The following SP110 variants were observed in gnomAD, a reference collection of about 807,000 sequenced individuals.
SP110 encodes interferon-induced protein 41, 30kD.
Under a neutral mutation model 92.7 loss-of-function variants are expected in SP110, and 62 were observed. The ratio of observed to expected loss-of-function variants is 0.67; its 90% CI spans 0.55 to 0.83. The LOEUF is 0.83. Among genes scored for constraint, SP110 ranks in the 40% least tolerant of loss-of-function variants. The pLI is 0.00. For synonymous variants in SP110, 273 were observed against 305.3 expected, an observed-to-expected ratio of 0.89 and a Z score of 1.10; for missense variants, 793 against 863.9, an observed-to-expected ratio of 0.92 and a Z score of 1.03.
At chr2:230,190,916 T>A (rs1184718134) in intron 10 of SP110, among the ~76,000 whole-genome samples, 1 of 152,212 alleles carries the variant, frequency 6.6e-6, no homozygotes, top group Non-Finnish European at 1.5e-5. Context: ...ATGGTCTATA[T>A]GTCTGTTTTG....
rs115361843 is a variant in SP110 at position 230,186,073 on chromosome 2, G to A, written c.1200C>T (p.Asp400=). 1,167 of 1,613,810 alleles carry A rather than the reference G, an allele frequency of 7.2e-4. 2 individuals are homozygous for A. The highest frequency in any genetic ancestry group is 9.2e-4 in the Non-Finnish European group (1,084 of 1,179,918). The change falls in exon 11 of 19, where the codon GAC becomes GAT. Residue 400 remains aspartate (D), a synonymous_variant. Coordinates refer to ENST00000258381, the MANE Select transcript of SP110 (RefSeq NM_080424.4). Reference sequence around the variant, plus strand: ...TGACCTCTGAGTTCCAGGTTGAGTCGTCTTTCCTTTGAGTCACCTTATCCA... The same window carrying A: ...TGACCTCTGAGTTCCAGGTTGAGTCATCTTTCCTTTGAGTCACCTTATCCA... ...QVVDKVTQRK[D]DSTWNSEVMM...
In SP110 at chr2:230,169,023, C is replaced by T; in HGVS notation, c.*101G>A. 1 of 809,736 alleles carries T rather than the reference C, an allele frequency of 1.2e-6. No homozygotes were observed. Among genetic ancestry groups the T allele is most frequent in the Non-Finnish European group, 2.2e-6 (1 of 454,054 alleles). 50.2% of individuals were successfully genotyped at this position (809,736 alleles called of 1,614,324 possible). A position where few individuals can be genotyped will look rare whatever the true frequency, so the allele number is the denominator to read the frequency against. On this transcript the variant is annotated 3_prime_UTR_variant, in exon 19 of 19. Coordinates refer to ENST00000258381, the MANE Select transcript of SP110 (RefSeq NM_080424.4). ...AGTGTCTGGGTTTGGGTCCTGAGGGCAGCCAATTACATCCCAGACTCACTG... is the reference window on the plus strand; with the variant it reads ...AGTGTCTGGGTTTGGGTCCTGAGGGTAGCCAATTACATCCCAGACTCACTG...
At chr2:230,175,894 T>C (rs1302430544) in intron 14 of SP110, among the ~76,000 whole-genome samples, 1 of 152,022 alleles carries the variant, frequency 6.6e-6, no homozygotes, top group East Asian at 1.9e-4. Context: ...TTTCATATAC[T>C]GTTCCTGTCT....
intron 14 of SP110, among the ~76,000 whole-genome samples, chr2:230,175,384 T>C (rs1401771579): frequency 7.4e-6 from 1 of 135,478 alleles, no homozygotes; most frequent in Non-Finnish European, 1.7e-5. Flanking sequence ...ATAAGAAAAG[T>C]TTAAAAAAAA....
chr2:230,215,686 A>T lies in SP110; in HGVS notation c.148-568T>A, dbSNP rs577213850. Among the ~76,000 whole-genome samples the T allele has an allele frequency of 5.9e-5, 9 of 152,332 alleles. No individual in the cohort carries two copies. The South Asian group carries it at 1.5e-3, about 25-fold the overall frequency. On this transcript the variant is annotated intron_variant, in intron 2 of 18. Transcript: ENST00000258381. ...AACTGATTGCAAATAATTATTGAAC[A>T]TCTACTAGGCTCGGTCAGCGAGTCT...
intron 11 of SP110, among the ~76,000 whole-genome samples, chr2:230,183,924 C>G (rs976230781): frequency 2.6e-5 from 4 of 152,094 alleles, no homozygotes; most frequent in African/African-American, 9.7e-5. Context: ...GTACAGGAGT[C>G]CCCCCTTATC....
Position 230,172,123 on chromosome 2 carries a change from T to C in SP110, c.1758A>G (p.Gln586=), listed in dbSNP as rs1209409370. The C allele has an allele frequency of 6.2e-7, 1 of 1,613,940 alleles. No homozygotes were observed. Among genetic ancestry groups the C allele is most frequent in the South Asian group, 1.1e-5 (1 of 91,086 alleles). The change falls in exon 16 of 19, where the codon CAA becomes CAG. Residue 586 remains glutamine, a synonymous_variant. Coordinates refer to ENST00000258381, the MANE Select transcript of SP110 (RefSeq NM_080424.4). The part of the protein sequence containing the change: ...FCRMKRSSGS[Q]QCHHVSKTLE... ...GGGTCTTAGATACATGATGGCACTG[T>C]TGGCTTCCTGAAGACCTCTTCATCC...
Position 230,212,996 on chromosome 2 carries a change from G to GTC in SP110, c.346_347dup (p.Asp116GlufsTer13). The GTC allele has an allele frequency of 6.2e-7, 1 of 1,614,066 alleles. No homozygotes were observed. Among genetic ancestry groups the GTC allele is most frequent in the Non-Finnish European group, 8.5e-7 (1 of 1,179,972 alleles). On this transcript the variant is annotated frameshift_variant, in exon 4 of 19. Coordinates refer to ENST00000258381, the MANE Select transcript of SP110 (RefSeq NM_080424.4). LOFTEE classifies it high-confidence loss of function. ...TTGGGGCTTCAAGTAGGATTGGTGT[G>GTC]TCTCTGCTCTGCCATTCATAGGAAG...
At chr2:230,201,777 C>CAAGGTGGATTAA (rs1204996717) in intron 9 of SP110, among the ~76,000 whole-genome samples, 1 of 152,172 alleles carries the variant, frequency 6.6e-6, no homozygotes, top group Non-Finnish European at 1.5e-5. Flanking sequence ...ATTCAAAATG[C>CAAGGTGGATTAA]AAGGTGGATT....
At chr2:230,196,913 A>G (rs1246654180) in intron 10 of SP110, among the ~76,000 whole-genome samples, 4 of 151,434 alleles carry the variant, frequency 2.6e-5, no homozygotes, top group African/African-American at 4.8e-5. Context: ...TGGTGTATAT[A>G]TGCCACATTT....
In SP110 at chr2:230,168,959, A is replaced by G; in HGVS notation, c.*165T>C. 1 of 650,080 alleles carries G rather than the reference A, an allele frequency of 1.5e-6. No individual in the cohort carries two copies. The highest frequency in any genetic ancestry group is 1.6e-5 in the South Asian group (1 of 61,510). The allele number at this position is 650,080 out of a possible 1,614,324, so 40.3% of individuals were successfully genotyped here. A position where few individuals can be genotyped will look rare whatever the true frequency, so the allele number is the denominator to read the frequency against. ...TGTAGATATAGACTTTTAAAGGTAA[A>G]AAGAAAGAATAAAGATGGAGGGTGT... On this transcript the variant is annotated 3_prime_UTR_variant, in exon 19 of 19. Coordinates refer to ENST00000258381, the MANE Select transcript of SP110 (RefSeq NM_080424.4).
At position 230,169,007 on chromosome 2, in the gene SP110, GT is replaced by G; in HGVS notation, c.*116del. 1 of 767,498 alleles carries G rather than the reference GT, an allele frequency of 1.3e-6. No homozygotes were observed. The allele number at this position is 767,498 out of a possible 1,614,324, so 47.5% of individuals were successfully genotyped here. A position where few individuals can be genotyped will look rare whatever the true frequency, so the allele number is the denominator to read the frequency against. On this transcript the variant is annotated 3_prime_UTR_variant, in exon 19 of 19. Transcript: ENST00000258381. ...TGTGATAATCCTATGAAGTGTCTGG[GT>G]TTGGGTCCTGAGGGCAGCCAATTAC...
At chr2:230,171,044 C>A (rs909197935) in intron 17 of SP110, 3 of 517,246 alleles carry the variant, frequency 5.8e-6, no homozygotes, top group Non-Finnish European at 1.0e-5. Context: ...GATGTCTCAG[C>A]AAGAAAGTGG....
At chr2:230,189,188 T>C (rs911457241) in intron 10 of SP110, among the ~76,000 whole-genome samples, 1 of 152,136 alleles carries the variant, frequency 6.6e-6, no homozygotes, top group Admixed American at 6.5e-5. Context: ...TTATTTTTTG[T>C]TTCAATTTTA....
At chr2:230,169,515 G>T (rs972317394) in intron 18 of SP110, among the ~76,000 whole-genome samples, 1 of 152,114 alleles carries the variant, frequency 6.6e-6, no homozygotes, top group African/African-American at 2.4e-5. Context: ...GGGTGAGGAG[G>T]CCTTGCTATG....
chr2:230,199,205 CT>C (rs35807015), intron 10 of SP110, among the ~76,000 whole-genome samples: 192 of 89,446 alleles, frequency 2.1e-3, no homozygotes, highest in Admixed American at 3.0e-3. Context: ...ACATAATCCT[CT>C]TTTTTTTTTT....
chr2:230,193,376 G>A (rs1015307932), intron 10 of SP110, among the ~76,000 whole-genome samples: 2 of 152,124 alleles, frequency 1.3e-5, no homozygotes, highest in African/African-American at 4.8e-5. Context: ...AAGATGTGAG[G>A]TACTGTTTCA....
At chr2:230,187,689 C>T (rs2148762290) in intron 10 of SP110, among the ~76,000 whole-genome samples, 1 of 152,118 alleles carries the variant, frequency 6.6e-6, no homozygotes, top group East Asian at 1.9e-4. Flanking sequence ...AATAGGGATC[C>T]AGTTTTATTC....
intron 2 of SP110, 76 bp downstream of exon 2, chr2:230,216,705 T>G: frequency 1.9e-6 from 3 of 1,562,880 alleles, no homozygotes; most frequent in Non-Finnish European, 2.6e-6. Context: ...GCCCTGGTGG[T>G]TTGTGGTTTG....
Sources: gnomAD v4.1 joint callset for allele counts (sites outside exome capture counted in the v4.1 genomes callset) on GRCh38, gnomAD v4.1.1 for gene constraint, MANE v1.5 for transcripts, NCBI Gene and HGNC (gene_info 2026-07-23, HGNC 2026-07-21) for gene names.